Variants in SYNE1 observed in about 807,000 individuals in gnomAD.
SYNE1 encodes nesprin-1.
A neutral mutation model predicts 1,111.0 loss-of-function variants in SYNE1; 616 were observed. The observed-to-expected ratio is 0.55, with a 90% CI of 0.52 to 0.59. SYNE1 has a LOEUF of 0.59. Ranked by LOEUF, SYNE1 falls within the 20% of genes least tolerant of loss-of-function variation. SYNE1 has a pLI of 0.00. For missense variants in SYNE1, 10,006 were observed against 10,417.0 expected, an observed-to-expected ratio of 0.96 and a Z score of 1.72; for synonymous variants, 3,855 against 3,825.8, an observed-to-expected ratio of 1.01 and a Z score of -0.28.
Position 152,300,751 on chromosome 6 carries a change from A to T in SYNE1, c.17572T>A (p.Ser5858Thr), listed in dbSNP as rs938481571. The change falls in exon 93 of 146, where the codon TCA becomes ACA. Residue 5858 changes from serine (S) to threonine (T), a missense_variant. By Grantham distance (58) the Ser-to-Thr change is moderately conservative (BLOSUM62 1). This residue lies in a region of SYNE1 where 4,955 missense variants were observed against 5,017.2 expected (regional missense o/e 0.99). Coordinates refer to ENST00000367255, the MANE Select transcript of SYNE1 (RefSeq NM_182961.4). Reference protein sequence around the residue: ...MTAGRCHTLLSPVTEESGEEG... With the variant: ...MTAGRCHTLLTPVTEESGEEG... Reference sequence around the variant, plus strand: ...TCCCCAGACTCCTCAGTGACCGGTGACAGCAAAGTGTGACAGCGACCTGCA... The same window carrying T: ...TCCCCAGACTCCTCAGTGACCGGTGTCAGCAAAGTGTGACAGCGACCTGCA... 1.2e-5 allele frequency: 20 copies of T among 1,614,224 alleles called. No homozygotes were observed. Among genetic ancestry groups the T allele is most frequent in the Non-Finnish European group, 1.7e-5 (20 of 1,180,036 alleles).
chr6:152,326,372 G>A lies in SYNE1; in HGVS notation c.15217C>T (p.Gln5073Ter), dbSNP rs1339569965. 1 of 1,614,184 alleles carries A rather than the reference G, an allele frequency of 6.2e-7. No individual in the cohort carries two copies. Among genetic ancestry groups the A allele is most frequent in the South Asian group, 1.1e-5 (1 of 91,074 alleles). ...IKPTGKEDLE[Q>*]KVASLELRSQ... is the part of the protein sequence containing the mutation. ...CTGAGTTCCAGAGAAGCCACTTTCTGTTCTAGGTCTTCTTTGCCGGTTGGC... is the reference window on the plus strand; with the variant it reads ...CTGAGTTCCAGAGAAGCCACTTTCTATTCTAGGTCTTCTTTGCCGGTTGGC... Residue 5073 changes from glutamine to a stop codon, truncating the protein, a stop_gained, in exon 79 of 146, where the codon CAG (glutamine) becomes TAG (stop). Coordinates refer to ENST00000367255, the MANE Select transcript of SYNE1 (RefSeq NM_182961.4). LOFTEE classifies it high-confidence loss of function.
At chr6:152,531,799 G>T (rs904643894) in intron 4 of SYNE1, among the ~76,000 whole-genome samples, 29 of 152,070 alleles carry the variant, frequency 1.9e-4, no homozygotes, top group African/African-American at 5.3e-4. Flanking sequence ...CGTCCTCAAG[G>T]TTCATCCATG....
chr6:152,393,789 G>T (rs1563664512), intron 51 of SYNE1, among the ~76,000 whole-genome samples: 1 of 151,896 alleles, frequency 6.6e-6, no homozygotes, highest in African/African-American at 2.4e-5. Flanking sequence ...GGACTCAGTG[G>T]AAACAGAAAA....
At chr6:152,497,631 G>A (rs1026497125) in intron 11 of SYNE1, among the ~76,000 whole-genome samples, 1 of 152,136 alleles carries the variant, frequency 6.6e-6, no homozygotes, top group East Asian at 1.9e-4. Context: ...AGAGAAAAGG[G>A]TTATGTTCTT....
chr6:152,153,919 T>C (rs114652299), intron 133 of SYNE1, among the ~76,000 whole-genome samples: 165 of 152,348 alleles, frequency 1.1e-3, no homozygotes, highest in African/African-American at 3.8e-3. Context: ...GAACTTCTTA[T>C]TTCCCATCAT....
At chr6:152,306,379 G>A (rs889647058) in intron 91 of SYNE1, among the ~76,000 whole-genome samples, 6 of 151,778 alleles carry the variant, frequency 4.0e-5, no homozygotes, top group South Asian at 2.1e-4. Flanking sequence ...CCAGCTACTC[G>A]GGAGCCTGAG....
At chr6:152,367,145 G>A (rs1306924246) in intron 62 of SYNE1, 73 bp downstream of exon 62, 2 of 1,572,570 alleles carry the variant, frequency 1.3e-6, no homozygotes, top group Admixed American at 1.7e-5. Flanking sequence ...ATCACCCCAG[G>A]TGGATGGAGA....
rs1411435600 is a variant in SYNE1 at position 152,596,265 on chromosome 6, TG to T, written c.67+31999del. 6.8e-3 allele frequency among the ~76,000 whole-genome samples: 804 copies of T among 117,714 alleles called. 6 individuals are homozygous for T. Among genetic ancestry groups the T allele is most frequent in the African/African-American group, 0.022 (691 of 31,686 alleles). The allele number at this position is 117,714 out of a possible 152,430, so 77.2% of individuals were successfully genotyped here. On this transcript the variant is annotated intron_variant, in intron 3 of 145. Coordinates refer to ENST00000367255, the MANE Select transcript of SYNE1 (RefSeq NM_182961.4). ...AAAGTTATGATTACAGTTTTTTGTT[TG>T]TTTGTTTTTTTTTTTTTTTGAGATG...
chr6:152,579,201 T>C (rs2099511054), intron 3 of SYNE1, among the ~76,000 whole-genome samples: 1 of 152,214 alleles, frequency 6.6e-6, no homozygotes, highest in African/African-American at 2.4e-5. Context: ...ATTTTTTTCC[T>C]TCCCCTTGAA....
intron 3 of SYNE1, among the ~76,000 whole-genome samples, chr6:152,576,265 G>A (rs781285873): frequency 3.3e-5 from 5 of 152,098 alleles, no homozygotes; most frequent in Non-Finnish European, 7.3e-5. Flanking sequence ...CTACAGATTG[G>A]GAATAAGGAA....
At chr6:152,604,988 GAAAGAAAGAAAGAA>G (rs1378598017) in intron 3 of SYNE1, among the ~76,000 whole-genome samples, 5 of 23,860 alleles carry the variant, frequency 2.1e-4, no homozygotes, top group South Asian at 2.3e-3. Flanking sequence ...AAGAAAGAAA[GAAAGAAAGAAAGAA>G]AGAAAGAGAG....
At chr6:152,177,615 G>A (rs1022876813) in intron 129 of SYNE1, among the ~76,000 whole-genome samples, 6 of 152,066 alleles carry the variant, frequency 3.9e-5, no homozygotes, top group Non-Finnish European at 8.8e-5. Flanking sequence ...CCATTCCAGG[G>A]CTGACTGCTG....
intron 3 of SYNE1, among the ~76,000 whole-genome samples, chr6:152,579,500 T>C (rs184240951): frequency 2.5e-3 from 382 of 152,334 alleles, no homozygotes; most frequent in African/African-American, 8.4e-3. Flanking sequence ...TCCTTTCTTA[T>C]TGTGTCACTT....
At chr6:152,460,458 A>G (rs184548888) in intron 21 of SYNE1, among the ~76,000 whole-genome samples, 2 of 152,150 alleles carry the variant, frequency 1.3e-5, no homozygotes, top group Admixed American at 1.3e-4. Flanking sequence ...TTAATTCCCT[A>G]CCACTGATGT....
chr6:152,227,984 A>G (rs1408189692), intron 115 of SYNE1, among the ~76,000 whole-genome samples: 1 of 152,218 alleles, frequency 6.6e-6, no homozygotes, highest in African/African-American at 2.4e-5. Flanking sequence ...CGATTAATTC[A>G]TAAATATCAG....
chr6:152,324,698 G>A (rs1219472363), intron 81 of SYNE1, among the ~76,000 whole-genome samples: 5 of 152,170 alleles, frequency 3.3e-5, no homozygotes, highest in African/African-American at 1.2e-4. Context: ...CTACTCGGGA[G>A]GCTGAGGCAG....
chr6:152,337,291 AT>A lies in SYNE1; in HGVS notation c.12352-275del, dbSNP rs36122423. Among the ~76,000 whole-genome samples, 91,104 of 146,034 alleles carry A rather than the reference AT, an allele frequency of 0.62. 28,085 individuals are homozygous for A. Among genetic ancestry groups the A allele is most frequent in the African/African-American group, 0.68 (27,035 of 39,688 alleles). On this transcript the variant is annotated intron_variant, in intron 75 of 145. Transcript: ENST00000367255. ...TAATCAGTGTTGTGAAACTCTAATAATTTTTTTTTTTTTTTGAGACAGAGTT... is the reference window on the plus strand; with the variant it reads ...TAATCAGTGTTGTGAAACTCTAATAATTTTTTTTTTTTTTGAGACAGAGTT...
chr6:152,418,687 A>T (rs1268847987), intron 40 of SYNE1, among the ~76,000 whole-genome samples: 1 of 152,152 alleles, frequency 6.6e-6, no homozygotes, highest in Non-Finnish European at 1.5e-5. Flanking sequence ...GCTTTTCCTG[A>T]TGCTCCCTTA....
chr6:152,523,237 G>A (rs377730983), intron 5 of SYNE1, among the ~76,000 whole-genome samples: 5 of 152,038 alleles, frequency 3.3e-5, no homozygotes, highest in African/African-American at 4.8e-5. Context: ...TGTATAAGGC[G>A]AGGGATAGGG....
Sources: gnomAD v4.1 joint callset for allele counts (sites outside exome capture counted in the v4.1 genomes callset) on GRCh38, gnomAD v4.1.1 for gene constraint, gnomAD v4.1.1 regional missense constraint, MANE v1.5 for transcripts, NCBI Gene and HGNC (gene_info 2026-07-23, HGNC 2026-07-21) for gene names.